CSMD3: variants seen among roughly 807,000 people sequenced by gnomAD.
The protein encoded by CSMD3 is CUB and sushi domain-containing protein 3.
In CSMD3, 177 loss-of-function variants were observed where a neutral mutation model predicts 435.2. That is an observed-to-expected ratio of 0.41 (90% confidence interval 0.36 to 0.46). The LOEUF is 0.46. Among genes scored for constraint, CSMD3 ranks in the 20% least tolerant of loss-of-function variants. CSMD3 has a pLI of 0.34. For synonymous variants in CSMD3, 1,656 were observed against 1,520.5 expected, an observed-to-expected ratio of 1.09 and a Z score of -2.07; for missense variants, 4,265 against 4,504.6, an observed-to-expected ratio of 0.95 and a Z score of 1.52.
intron 22 of CSMD3, among the ~76,000 whole-genome samples, chr8:112,610,395 T>C (rs1191635351): frequency 1.3e-5 from 2 of 151,988 alleles, no homozygotes; most frequent in Non-Finnish European, 2.9e-5. Flanking sequence ...TGTATTGATC[T>C]CTTTGGCTCC....
At chr8:112,967,138 A>C (rs1224960587) in intron 7 of CSMD3, among the ~76,000 whole-genome samples, 1 of 150,630 alleles carries the variant, frequency 6.6e-6, no homozygotes, top group Non-Finnish European at 1.5e-5. Context: ...TCATGTCCAC[A>C]ATGAAATTTG....
intron 27 of CSMD3, among the ~76,000 whole-genome samples, chr8:112,542,527 C>T (rs1826777349): frequency 6.6e-6 from 1 of 151,784 alleles, no homozygotes; most frequent in Non-Finnish European, 1.5e-5. Flanking sequence ...AACGAACTAT[C>T]TGAAAAGGAT....
chr8:113,039,175 C>G (rs567830814), intron 5 of CSMD3, among the ~76,000 whole-genome samples: 23 of 151,986 alleles, frequency 1.5e-4, no homozygotes, highest in African/African-American at 5.5e-4. Flanking sequence ...CACTGAACAG[C>G]TACCATAGTA....
At chr8:112,383,805 C>A (rs1829691147) in intron 36 of CSMD3, 142 bp from the exon 37 acceptor site, 2 of 677,114 alleles carry the variant, frequency 3.0e-6, no homozygotes, top group Non-Finnish European at 2.7e-6. Context: ...TTTAACAGAA[C>A]TGATTTTTTC....
At chr8:112,495,357 C>T (rs953177302) in intron 30 of CSMD3, among the ~76,000 whole-genome samples, 16 of 152,174 alleles carry the variant, frequency 1.1e-4, no homozygotes, top group African/African-American at 3.9e-4. Context: ...AGTTTGCTTT[C>T]TCCTTCTTTG....
intron 63 of CSMD3, among the ~76,000 whole-genome samples, chr8:112,249,575 A>G (rs1815078337): frequency 6.6e-6 from 1 of 152,104 alleles, no homozygotes; most frequent in African/African-American, 2.4e-5. Flanking sequence ...CCTTAAAGTC[A>G]GAGTGATCTA....
intron 45 of CSMD3, among the ~76,000 whole-genome samples, chr8:112,331,886 C>A (rs1586791802): frequency 2.6e-5 from 4 of 151,954 alleles, no homozygotes; most frequent in East Asian, 3.9e-4. Context: ...ATAATTTGAC[C>A]AATTTTTTAC....
At chr8:112,298,259 C>A (rs574535782) in intron 53 of CSMD3, among the ~76,000 whole-genome samples, 2 of 151,730 alleles carry the variant, frequency 1.3e-5, no homozygotes, top group African/African-American at 4.8e-5. Context: ...GTTATGGTAT[C>A]CAAAGTGATT....
At chr8:112,403,383 C>A (rs1343561351) in intron 35 of CSMD3, among the ~76,000 whole-genome samples, 1 of 152,112 alleles carries the variant, frequency 6.6e-6, no homozygotes. Flanking sequence ...CAGAGGATTG[C>A]AACAAATATG....
chr8:112,233,292 T>C (rs998545509), intron 68 of CSMD3, among the ~76,000 whole-genome samples: 22 of 152,174 alleles, frequency 1.4e-4, no homozygotes, highest in African/African-American at 5.3e-4. Context: ...AAACCACCCA[T>C]GCAAGTCTGA....
intron 40 of CSMD3, among the ~76,000 whole-genome samples, chr8:112,349,132 T>C (rs950332093): frequency 2.0e-5 from 3 of 152,018 alleles, no homozygotes; most frequent in African/African-American, 4.8e-5. Flanking sequence ...ATAATAAATA[T>C]AAAATTATGA....
chr8:113,325,199 C>T (rs577433871), intron 1 of CSMD3, among the ~76,000 whole-genome samples: 45 of 152,108 alleles, frequency 3.0e-4, no homozygotes, highest in Non-Finnish European at 5.6e-4. Flanking sequence ...TGGGAAGGCA[C>T]GATTGGTTTT....
At chr8:112,321,902 A>C (rs1253710842) in intron 45 of CSMD3, among the ~76,000 whole-genome samples, 1 of 151,888 alleles carries the variant, frequency 6.6e-6, no homozygotes, top group African/African-American at 2.4e-5. Context: ...GATAGTAATT[A>C]GGAATTTTGA....
chr8:112,608,391 T>C (rs1832962554), intron 22 of CSMD3, among the ~76,000 whole-genome samples: 1 of 152,106 alleles, frequency 6.6e-6, no homozygotes, highest in South Asian at 2.1e-4. Flanking sequence ...ACAGGTTTAA[T>C]TCAATTCCTA....
At chr8:113,064,352 T>C (rs1361983497) in intron 5 of CSMD3, among the ~76,000 whole-genome samples, 2 of 152,016 alleles carry the variant, frequency 1.3e-5, no homozygotes, top group East Asian at 1.9e-4. Flanking sequence ...TTCATTAAAA[T>C]ATATAGAGAG....
chr8:112,295,057 A>G (rs1031387992), intron 54 of CSMD3, among the ~76,000 whole-genome samples: 5 of 151,794 alleles, frequency 3.3e-5, no homozygotes, highest in African/African-American at 9.7e-5. Context: ...CTCCTCTGCT[A>G]CTCTTTCTCC....
At chr8:112,672,900 T>C (rs1395053871) in intron 16 of CSMD3, among the ~76,000 whole-genome samples, 1 of 152,054 alleles carries the variant, frequency 6.6e-6, no homozygotes, top group Non-Finnish European at 1.5e-5. Flanking sequence ...TGCATTCAGA[T>C]AAAATTCTCC....
chr8:112,442,334 A>T (rs910096904), intron 32 of CSMD3, among the ~76,000 whole-genome samples: 8 of 152,192 alleles, frequency 5.3e-5, no homozygotes. Flanking sequence ...GAAGGAGACA[A>T]ATATCCAAAC....
chr8:112,486,992 A>T (rs1344536644), intron 31 of CSMD3, among the ~76,000 whole-genome samples: 2 of 152,196 alleles, frequency 1.3e-5, no homozygotes, highest in Non-Finnish European at 2.9e-5. Context: ...GTAGTTCATT[A>T]ACAGTCTAAA....
Sources: allele counts gnomAD v4.1 joint callset (sites outside exome capture counted in the v4.1 genomes callset), GRCh38; gene constraint gnomAD v4.1.1; transcripts MANE v1.5; gene names NCBI Gene and HGNC (gene_info 2026-07-23, HGNC 2026-07-21).